The following PCDH11X variants were observed in gnomAD, a reference collection of about 807,000 sequenced individuals.
The protein encoded by PCDH11X is protocadherin 11 X-linked.
Under a neutral mutation model 53.3 loss-of-function variants are expected in PCDH11X, and 18 were observed. That is an observed-to-expected ratio of 0.34 (90% CI 0.23 to 0.50). The LOEUF (loss-of-function observed/expected upper bound fraction) is 0.50. Ranked by LOEUF, PCDH11X falls within the 20% of genes least tolerant of loss-of-function variation. The pLI, the probability that PCDH11X is intolerant of heterozygous loss-of-function variation, is 0.98. For missense variants in PCDH11X, 570 were observed against 1,032.4 expected, an observed-to-expected ratio of 0.55 and a Z score of 6.14; for synonymous variants, 279 against 393.3, an observed-to-expected ratio of 0.71 and a Z score of 3.44.
rs185368222 is a variant in PCDH11X, at chrX:92,483,894, T to C, written c.3367+15572T>C. On this transcript the variant is annotated intron_variant, in intron 10 of 10. Coordinates refer to ENST00000682573, the MANE Select transcript of PCDH11X (RefSeq NM_032968.5). ...TTGTGAAAGAACATGGGAAGAAGAA[T>C]GACTTTGTCATACATATATTTTGTT... Among the ~76,000 whole-genome samples, 260 of 109,313 alleles carry C rather than the reference T, an allele frequency of 2.4e-3. 1 individual carries two copies. The highest frequency in any genetic ancestry group is 2.5e-3 in the Non-Finnish European group (132 of 52,750). 94.9% of individuals were successfully genotyped at this position (109,313 alleles called of 115,157 possible).
intron 6 of PCDH11X, among the ~76,000 whole-genome samples, chrX:92,150,730 T>C (rs1178007586): frequency 9.0e-6 from 1 of 111,429 alleles, no homozygotes; most frequent in African/African-American, 3.3e-5. Flanking sequence ...CAATATTTTA[T>C]AGTTTTTCAT....
chrX:91,935,922 G>A (rs2061439671), intron 6 of PCDH11X, among the ~76,000 whole-genome samples: 2 of 109,817 alleles, frequency 1.8e-5, no homozygotes, highest in South Asian at 7.8e-4. Flanking sequence ...ATAAGCGCTT[G>A]TGAGGACCTA....
intron 6 of PCDH11X, among the ~76,000 whole-genome samples, chrX:92,111,615 C>T (rs2064515224): frequency 1.8e-5 from 2 of 109,880 alleles, no homozygotes; most frequent in South Asian, 7.8e-4. Context: ...TTGAAAGAGC[C>T]GTAGAAGATA....
intron 9 of PCDH11X, among the ~76,000 whole-genome samples, chrX:92,467,495 A>C (rs2073179062): frequency 1.8e-5 from 2 of 111,461 alleles, no homozygotes; most frequent in South Asian, 3.6e-4. Context: ...TTGGCTTTAA[A>C]ATTTTGTAAT....
At chrX:91,780,269 G>A (rs891765736) in intron 1 of PCDH11X, among the ~76,000 whole-genome samples, 1 of 111,721 alleles carries the variant, frequency 9.0e-6, no homozygotes, top group African/African-American at 3.3e-5. Flanking sequence ...AGCCAGGAGC[G>A]CACAGGGTTC....
intron 6 of PCDH11X, among the ~76,000 whole-genome samples, chrX:92,038,314 G>T (rs2063159122): frequency 9.1e-6 from 1 of 110,154 alleles, no homozygotes; most frequent in Admixed American, 9.7e-5. Context: ...TTGTGGGCCA[G>T]GCTCAAGGTC....
chrX:91,791,133 A>G (rs1319433734), intron 1 of PCDH11X, among the ~76,000 whole-genome samples: 1 of 108,780 alleles, frequency 9.2e-6, no homozygotes, highest in Non-Finnish European at 1.9e-5. Flanking sequence ...GTGTCTGCCA[A>G]AATTGCCTTG....
chrX:91,854,672 C>T (rs775999831), intron 5 of PCDH11X, among the ~76,000 whole-genome samples: 3 of 111,830 alleles, frequency 2.7e-5, no homozygotes, highest in African/African-American at 9.7e-5. Context: ...TGTTACCACC[C>T]GTCTTTTAGA....
chrX:92,216,434 C>CT (rs2148345548), intron 7 of PCDH11X, among the ~76,000 whole-genome samples: 1 of 103,053 alleles, frequency 9.7e-6, no homozygotes, highest in African/African-American at 3.5e-5. Flanking sequence ...ATGCGATCAA[C>CT]TGGAAGAAAG....
chrX:92,579,765 A>G lies in PCDH11X; in HGVS notation c.3368-38499A>G, dbSNP rs1189211455. Among the ~76,000 whole-genome samples the G allele has an allele frequency of 1.8e-5, 2 of 111,699 alleles. 1 individual carries two copies. Among genetic ancestry groups the G allele is most frequent in the Non-Finnish European group, 3.8e-5 (2 of 53,196 alleles). On this transcript the variant is annotated intron_variant, in intron 10 of 10. Coordinates refer to ENST00000682573, the MANE Select transcript of PCDH11X (RefSeq NM_032968.5). ...CTGTCAATTCAGCCATCTCAGCCTC[A>G]GTCCAGTTCTGAGTGCTTGCTAAAG... is the stretch of plus-strand genomic sequence containing the variant.
At chrX:92,377,875 A>T (rs749821528) in intron 8 of PCDH11X, among the ~76,000 whole-genome samples, 1 of 99,352 alleles carries the variant, frequency 1.0e-5, no homozygotes, top group South Asian at 4.6e-4. Flanking sequence ...GTGGCTTGAA[A>T]ATATAAAATT....
chrX:92,309,451 A>C lies in PCDH11X; in HGVS notation c.3144+46308A>C, dbSNP rs916439823. Among the ~76,000 whole-genome samples, 12 of 111,580 alleles carry C rather than the reference A, an allele frequency of 1.1e-4. No individual in the cohort carries two copies. In the Admixed American group the frequency reaches 1.1e-3, roughly 11 times the overall value. ...ACCTAAAGAGGTGCCTAGATTAGTC[A>C]TATTCCTAGAAATAGAAAGTAAGAT... is the stretch of plus-strand genomic sequence containing the variant. On this transcript the variant is annotated intron_variant, in intron 8 of 10. Coordinates refer to ENST00000682573, the MANE Select transcript of PCDH11X (RefSeq NM_032968.5).
intron 8 of PCDH11X, among the ~76,000 whole-genome samples, chrX:92,339,577 G>C (rs2069703516): frequency 9.0e-6 from 1 of 110,942 alleles, no homozygotes; most frequent in Non-Finnish European, 1.9e-5. Flanking sequence ...GGCCTAAGGG[G>C]AGCAGGCACA....
chrX:91,801,143 G>GCAC (rs1418030833), intron 1 of PCDH11X, among the ~76,000 whole-genome samples: 3 of 89,123 alleles, frequency 3.4e-5, no homozygotes, highest in Non-Finnish European at 6.5e-5. Context: ...TCATGCCACT[G>GCAC]CACTCCAGCC....
At chrX:92,151,393 C>T (rs1412160874) in intron 6 of PCDH11X, among the ~76,000 whole-genome samples, 1 of 110,126 alleles carries the variant, frequency 9.1e-6, no homozygotes, top group South Asian at 3.8e-4. Context: ...AGGGTTTCAC[C>T]GTGTTAGCCA....
intron 10 of PCDH11X, among the ~76,000 whole-genome samples, chrX:92,474,116 T>C (rs1211717960): frequency 2.7e-5 from 3 of 111,386 alleles, no homozygotes; most frequent in Non-Finnish European, 5.7e-5. Context: ...ATATTTGCTA[T>C]ATATATCTGA....
At chrX:91,807,346 TA>T (rs1936152837) in intron 1 of PCDH11X, among the ~76,000 whole-genome samples, 1 of 109,971 alleles carries the variant, frequency 9.1e-6, no homozygotes, top group African/African-American at 3.3e-5. Flanking sequence ...ACCGTGTCTC[TA>T]AAAAAATTAA....
intron 10 of PCDH11X, among the ~76,000 whole-genome samples, chrX:92,575,025 A>G (rs1922659340): frequency 9.0e-6 from 1 of 110,943 alleles, no homozygotes; most frequent in Non-Finnish European, 1.9e-5. Flanking sequence ...GATAAGTTAA[A>G]TATTCCAGAA....
intron 1 of PCDH11X, among the ~76,000 whole-genome samples, chrX:91,795,749 C>T (rs1935712232): frequency 9.0e-6 from 1 of 111,447 alleles, no homozygotes; most frequent in African/African-American, 3.3e-5. Context: ...TTAGATCTCT[C>T]TTGAATCCAA....
Sources: gnomAD v4.1 joint callset for allele counts (sites outside exome capture counted in the v4.1 genomes callset) on GRCh38, gnomAD v4.1.1 for gene constraint, MANE v1.5 for transcripts, NCBI Gene and HGNC (gene_info 2026-07-23, HGNC 2026-07-21) for gene names.